Variants in NBAS observed in about 807,000 individuals in gnomAD.
NBAS encodes the protein NBAS subunit of NRZ tethering complex, also known as NAG/BC035112 fusion.
In NBAS, 219 loss-of-function variants were observed where a neutral mutation model predicts 302.5. The ratio of observed to expected loss-of-function variants is 0.72; its 90% CI spans 0.65 to 0.81. The LOEUF is 0.81. Among genes scored for constraint, NBAS ranks in the 30% least tolerant of loss-of-function variants. NBAS has a pLI of 0.00. For synonymous variants in NBAS, 1,118 were observed against 1,021.6 expected, an observed-to-expected ratio of 1.09 and a Z score of -1.80; for missense variants, 2,932 against 2,841.6, an observed-to-expected ratio of 1.03 and a Z score of -0.72.
chr2:14,832,513 C>T, the NBAS span, among the ~76,000 whole-genome samples: 1 of 152,118 alleles, frequency 6.6e-6, no homozygotes, highest in Non-Finnish European at 1.5e-5. Context: ...CTATGCTTCA[C>T]CCACTAAGAA....
At chr2:15,326,615 C>T (rs1482162109) in intron 38 of NBAS, among the ~76,000 whole-genome samples, 1 of 151,968 alleles carries the variant, frequency 6.6e-6, no homozygotes, top group African/African-American at 2.4e-5. Context: ...CATATATATT[C>T]AATTTCAACT....
At chr2:14,904,772 G>A in the NBAS span, among the ~76,000 whole-genome samples, 2 of 152,142 alleles carry the variant, frequency 1.3e-5, no homozygotes, top group Admixed American at 1.3e-4. Flanking sequence ...ACTCTAGGCC[G>A]GGCGCGGTGG....
At position 15,193,813 on chromosome 2, in the gene NBAS, G is replaced by C. The variant is rs186483786; in HGVS notation, c.6433-3410C>G. On this transcript the variant is annotated intron_variant, in intron 48 of 51. Coordinates refer to ENST00000281513, the MANE Select transcript of NBAS (RefSeq NM_015909.4). The stretch of plus-strand genomic sequence containing the variant: ...AATAAAAGGTAAACTTATGTAAAGG[G>C]CTCCCAGTCTGAACAACATGGCTTA... Among the ~76,000 whole-genome samples the C allele has an allele frequency of 1.1e-4, 17 of 152,002 alleles. No individual in the cohort carries two copies. The South Asian group carries it at 2.5e-3, about 22-fold the overall frequency.
At chr2:15,282,817 A>G (rs965776572) in intron 42 of NBAS, among the ~76,000 whole-genome samples, 1 of 152,086 alleles carries the variant, frequency 6.6e-6, no homozygotes, top group South Asian at 2.1e-4. Context: ...TCCTTTGCTT[A>G]CTCTGTCCCA....
the NBAS span, among the ~76,000 whole-genome samples, chr2:15,037,758 C>T: frequency 6.6e-6 from 1 of 152,106 alleles, no homozygotes; most frequent in Admixed American, 6.5e-5. Context: ...TCTGCACACT[C>T]TTTGATCCTC....
At chr2:15,076,726 C>T in the NBAS span, among the ~76,000 whole-genome samples, 10 of 152,052 alleles carry the variant, frequency 6.6e-5, no homozygotes, top group Non-Finnish European at 1.5e-4. Flanking sequence ...ATATCTCTGG[C>T]TGCCAGTACA....
the NBAS span, among the ~76,000 whole-genome samples, chr2:15,018,635 T>C: frequency 6.6e-6 from 1 of 150,864 alleles, no homozygotes; most frequent in African/African-American, 2.5e-5. Flanking sequence ...AGATTATTTT[T>C]CCTCTTTATT....
intron 24 of NBAS, 79 bp downstream of exon 24, chr2:15,417,448 T>A (rs1307651457): frequency 1.6e-6 from 2 of 1,226,848 alleles, no homozygotes; most frequent in Non-Finnish European, 2.3e-6. Flanking sequence ...CATTTCATCT[T>A]TGGTTTGAGA....
the NBAS span, among the ~76,000 whole-genome samples, chr2:14,934,336 T>C: frequency 3.3e-5 from 5 of 152,324 alleles, no homozygotes; most frequent in Admixed American, 2.6e-4. Flanking sequence ...AAAATATGTA[T>C]AGTAACAAAG....
At chr2:15,248,752 A>G (rs1668222923) in intron 44 of NBAS, among the ~76,000 whole-genome samples, 1 of 152,174 alleles carries the variant, frequency 6.6e-6, no homozygotes, top group Non-Finnish European at 1.5e-5. Flanking sequence ...ACACCCTCCC[A>G]AGACTAAACC....
intron 42 of NBAS, among the ~76,000 whole-genome samples, chr2:15,281,869 A>C (rs1382976899): frequency 6.6e-6 from 1 of 152,178 alleles, no homozygotes; most frequent in African/African-American, 2.4e-5. Context: ...TATGAAAATG[A>C]AGGTTACAAG....
chr2:15,502,623 A>C (rs1356221823), intron 11 of NBAS, among the ~76,000 whole-genome samples: 1 of 152,244 alleles, frequency 6.6e-6, no homozygotes, highest in Non-Finnish European at 1.5e-5. Context: ...GGTATAAAAG[A>C]TAACAAATGG....
chr2:15,125,406 G>C, the NBAS span, among the ~76,000 whole-genome samples: 28 of 152,214 alleles, frequency 1.8e-4, 1 homozygote, highest in South Asian at 3.9e-3. Flanking sequence ...ACTTTTAAAT[G>C]ACTAGATCTC....
At chr2:15,252,180 G>C (rs952411500) in intron 44 of NBAS, among the ~76,000 whole-genome samples, 1 of 152,184 alleles carries the variant, frequency 6.6e-6, no homozygotes, top group Non-Finnish European at 1.5e-5. Flanking sequence ...GTGAAATCTT[G>C]CTAAGCAGAC....
At chr2:15,097,912 ATAT>A in the NBAS span, among the ~76,000 whole-genome samples, 7 of 86,988 alleles carry the variant, frequency 8.0e-5, no homozygotes, top group African/African-American at 3.1e-4. Flanking sequence ...ATTATATACA[ATAT>A]TATATATTAT....
the NBAS span, among the ~76,000 whole-genome samples, chr2:14,941,906 T>TAACC: frequency 2.0e-5 from 3 of 152,210 alleles, no homozygotes; most frequent in African/African-American, 7.2e-5. Flanking sequence ...CTCTACTGGT[T>TAACC]GGAGGATGAG....
the NBAS span, among the ~76,000 whole-genome samples, chr2:14,936,691 C>T: frequency 7.9e-5 from 12 of 152,046 alleles, no homozygotes; most frequent in Admixed American, 4.6e-4. Flanking sequence ...TGGGGAGATT[C>T]GAGGTGGTAG....
chr2:15,188,717 G>C (rs1479986409), intron 49 of NBAS, among the ~76,000 whole-genome samples: 1 of 152,152 alleles, frequency 6.6e-6, no homozygotes, highest in Non-Finnish European at 1.5e-5. Context: ...TGCAATAAAT[G>C]TTTTAAGTAA....
the NBAS span, among the ~76,000 whole-genome samples, chr2:15,098,980 C>T: frequency 6.6e-6 from 1 of 151,632 alleles, no homozygotes; most frequent in Non-Finnish European, 1.5e-5. Context: ...TATATACACA[C>T]ACACACACAT....
Sources: gnomAD v4.1 joint callset for allele counts (sites outside exome capture counted in the v4.1 genomes callset) on GRCh38, gnomAD v4.1.1 for gene constraint, MANE v1.5 for transcripts, NCBI Gene and HGNC (gene_info 2026-07-23, HGNC 2026-07-21) for gene names.